Variants in DTNBP1 observed in about 807,000 individuals in gnomAD.
DTNBP1 encodes dystrobrevin binding protein 1, also known as dysbindin.
A neutral mutation model predicts 42.8 loss-of-function variants in DTNBP1; 35 were observed. That is an observed-to-expected ratio of 0.82 (90% CI 0.63 to 1.09). The LOEUF (loss-of-function observed/expected upper bound fraction) is 1.09. Ranked by LOEUF, DTNBP1 falls within the 50% of genes least tolerant of loss-of-function variation. The probability of loss-of-function intolerance (pLI) is 0.00; values close to 1 mark genes in which losing one functional copy is unlikely to be tolerated. For synonymous variants in DTNBP1, 171 were observed against 162.2 expected (o/e 1.05, Z -0.41); for missense variants, 457 against 424.2 (o/e 1.08, Z -0.68).
intron 7 of DTNBP1, among the ~76,000 whole-genome samples, chr6:15,591,181 C>T (rs947366179): frequency 1.3e-5 from 2 of 150,942 alleles, no homozygotes; most frequent in African/African-American, 2.4e-5. Flanking sequence ...ATAATCTTGG[C>T]TCACTGCAAC....
intron 3 of DTNBP1, among the ~76,000 whole-genome samples, chr6:15,640,345 G>A (rs1319630113): frequency 6.6e-6 from 1 of 152,122 alleles, no homozygotes; most frequent in Admixed American, 6.5e-5. Context: ...TAAAGACACT[G>A]GATGTAAACT....
intron 5 of DTNBP1, among the ~76,000 whole-genome samples, chr6:15,616,862 T>C (rs1758744830): frequency 6.6e-6 from 1 of 152,176 alleles, no homozygotes; most frequent in African/African-American, 2.4e-5. Flanking sequence ...TGATCTTATG[T>C]ATAGAAAACT....
chr6:15,605,757 A>G (rs1004725908), intron 6 of DTNBP1, among the ~76,000 whole-genome samples: 10 of 152,190 alleles, frequency 6.6e-5, no homozygotes, highest in African/African-American at 2.2e-4. Context: ...ATTGGTTACA[A>G]AAGCTTCTGC....
intron 3 of DTNBP1, among the ~76,000 whole-genome samples, chr6:15,650,241 G>A (rs1581436203): frequency 2.0e-5 from 3 of 152,258 alleles, no homozygotes; most frequent in Admixed American, 2.0e-4. Flanking sequence ...ACAGAAATAT[G>A]TATAATGACA....
chr6:15,523,444 G>T, intron 9 of DTNBP1: 1 of 1,285,796 alleles, frequency 7.8e-7, no homozygotes, highest in Non-Finnish European at 1.0e-6. Context: ...TAAGGAGTCA[G>T]CCACATGTGA....
chr6:15,593,674 G>A (rs905046029), intron 6 of DTNBP1, among the ~76,000 whole-genome samples: 4 of 152,144 alleles, frequency 2.6e-5, no homozygotes, highest in Non-Finnish European at 5.9e-5. Flanking sequence ...AAAGTTTCCT[G>A]GGAAGTGTAC....
At position 15,662,933 on chromosome 6, in the gene DTNBP1, G is replaced by A. The variant is rs1581452090; in HGVS notation, c.-64C>T. On this transcript the variant is annotated 5_prime_UTR_variant, in exon 1 of 10. Transcript: ENST00000344537. Reference sequence around the variant, plus strand: ...TGCTGCTGCCTCTGTCGCCCCCTGGGTCCCACGCCGCCAACCCCGCGCTGT... The same window carrying A: ...TGCTGCTGCCTCTGTCGCCCCCTGGATCCCACGCCGCCAACCCCGCGCTGT... The A allele has an allele frequency of 1.3e-6, 2 of 1,594,144 alleles. No homozygotes were observed. The highest frequency in any genetic ancestry group is 1.3e-5 in the African/African-American group (1 of 74,694).
intron 7 of DTNBP1, among the ~76,000 whole-genome samples, chr6:15,538,503 A>C (rs574285129): frequency 6.6e-6 from 1 of 152,344 alleles, no homozygotes; most frequent in Admixed American, 6.5e-5. Flanking sequence ...TACTGGGCAG[A>C]GAATCCAGTC....
chr6:15,524,205 C>T (rs747826295), intron 9 of DTNBP1: 32 of 1,503,408 alleles, frequency 2.1e-5, no homozygotes, highest in South Asian at 1.5e-4. Context: ...TCCCTGCAAA[C>T]GCCAGTCCTT....
At chr6:15,577,055 T>C (rs1382852399) in intron 7 of DTNBP1, among the ~76,000 whole-genome samples, 1 of 152,040 alleles carries the variant, frequency 6.6e-6, no homozygotes, top group Non-Finnish European at 1.5e-5. Flanking sequence ...GAGAATGATA[T>C]ACAAAGTAAA....
At position 15,553,594 on chromosome 6, in the gene DTNBP1, C is replaced by CT. The variant is rs56173414; in HGVS notation, c.512-20200dup. On this transcript the variant is annotated intron_variant, in intron 7 of 9. Transcript: ENST00000344537. ...CAGTTCAATGCTCTTGACAAGTGAG[C>CT]TTTTTTTTTTTTGGCCTCAGACAGC... Among the ~76,000 whole-genome samples the CT allele has an allele frequency of 5.5e-4, 40 of 72,954 alleles. 1 individual carries two copies. The highest frequency in any genetic ancestry group is 6.4e-4 in the South Asian group (1 of 1,568). 47.9% of individuals were successfully genotyped at this position (72,954 alleles called of 152,430 possible). A position where few individuals can be genotyped will look rare whatever the true frequency, so the allele number is the denominator to read the frequency against.
At chr6:15,523,830 T>C (rs774357634) in intron 9 of DTNBP1, 312 of 1,287,030 alleles carry the variant, frequency 2.4e-4, no homozygotes, top group Non-Finnish European at 3.0e-4. Flanking sequence ...TTCTGACAGA[T>C]TGCCAGGAGA....
intron 1 of DTNBP1, among the ~76,000 whole-genome samples, chr6:15,662,555 G>C (rs1761708892): frequency 6.6e-6 from 1 of 152,126 alleles, no homozygotes; most frequent in African/African-American, 2.4e-5. Context: ...CACCCCCCCC[G>C]GGCGCTCCGC....
chr6:15,584,705 CTTTTTTTT>C (rs147548247), intron 7 of DTNBP1, among the ~76,000 whole-genome samples: 3 of 86,432 alleles, frequency 3.5e-5, no homozygotes, highest in Non-Finnish European at 4.8e-5. Flanking sequence ...ACATGTATTT[CTTTTTTTT>C]TTTTTTTTTT....
intron 3 of DTNBP1, among the ~76,000 whole-genome samples, chr6:15,643,667 A>G (rs998549574): frequency 1.3e-5 from 2 of 152,226 alleles, no homozygotes; most frequent in Non-Finnish European, 2.9e-5. Flanking sequence ...GCTGGCCAAG[A>G]ATTTTATATC....
intron 7 of DTNBP1, among the ~76,000 whole-genome samples, chr6:15,555,410 G>A (rs1774455613): frequency 6.6e-6 from 1 of 151,982 alleles, no homozygotes; most frequent in African/African-American, 2.4e-5. Flanking sequence ...CTTAGTCACA[G>A]GATGAGATAG....
At chr6:15,636,741 T>C (rs1760051174) in intron 4 of DTNBP1, among the ~76,000 whole-genome samples, 1 of 152,156 alleles carries the variant, frequency 6.6e-6, no homozygotes, top group Non-Finnish European at 1.5e-5. Context: ...TTCCCACAAA[T>C]CTCCAAAGCT....
chr6:15,565,076 A>G (rs1179338781), intron 7 of DTNBP1, among the ~76,000 whole-genome samples: 3 of 152,242 alleles, frequency 2.0e-5, no homozygotes, highest in Non-Finnish European at 2.9e-5. Flanking sequence ...ACTGCACTGT[A>G]GCCGTGACAG....
chr6:15,522,868 T>TA lies in DTNBP1; in HGVS notation c.*106dup. The TA allele has an allele frequency of 1.3e-6, 2 of 1,573,270 alleles. No individual in the cohort carries two copies. The highest frequency in any genetic ancestry group is 1.1e-5 in the South Asian group (1 of 89,434). ...AAGTTTCTCACACATTATTGGCAAT[T>TA]ATGTAAAAATCAAGAACCTCTATAA... On this transcript the variant is annotated 3_prime_UTR_variant, in exon 10 of 10. Coordinates refer to ENST00000344537, the MANE Select transcript of DTNBP1 (RefSeq NM_032122.5).
Sources: gnomAD v4.1 joint callset for allele counts (sites outside exome capture counted in the v4.1 genomes callset) on GRCh38, gnomAD v4.1.1 for gene constraint, MANE v1.5 for transcripts, NCBI Gene and HGNC (gene_info 2026-07-23, HGNC 2026-07-21) for gene names.